The following HDAC9 variants were observed in gnomAD, a reference collection of about 807,000 sequenced individuals.
The protein encoded by HDAC9 is histone deacetylase 9.
HDAC9 carries 41 observed loss-of-function variants against 139.4 expected under a neutral mutation model. That is an observed-to-expected ratio of 0.29 (90% CI 0.23 to 0.38). HDAC9 has a LOEUF of 0.38. HDAC9 is among the 10% of genes least tolerant of loss of function. The probability of loss-of-function intolerance (pLI) is 1.00; values close to 1 mark genes in which losing one functional copy is unlikely to be tolerated. For missense variants in HDAC9, 1,147 were observed against 1,297.0 expected, an observed-to-expected ratio of 0.88 and a Z score of 1.78; for synonymous variants, 517 against 476.2, an observed-to-expected ratio of 1.09 and a Z score of -1.12.
intron 2 of HDAC9, among the ~76,000 whole-genome samples, chr7:18,280,238 G>A (rs1797014418): frequency 6.6e-6 from 1 of 152,088 alleles, no homozygotes; most frequent in African/African-American, 2.4e-5. Flanking sequence ...GATTGCTTGA[G>A]CTTAGGAGTT....
At chr7:18,290,999 G>A (rs958511552) in intron 1 of HDAC9, among the ~76,000 whole-genome samples, 4 of 152,132 alleles carry the variant, frequency 2.6e-5, no homozygotes, top group South Asian at 2.1e-4. Flanking sequence ...AGAGTGAATA[G>A]TATAGAGATT....
chr7:18,224,545 C>T (rs1366866291), intron 2 of HDAC9, among the ~76,000 whole-genome samples: 6 of 152,080 alleles, frequency 3.9e-5, no homozygotes, highest in Admixed American at 2.0e-4. Flanking sequence ...TGCCACCCAG[C>T]GTGGGTGCTT....
intron 2 of HDAC9, among the ~76,000 whole-genome samples, chr7:18,249,493 A>T (rs1236281203): frequency 8.1e-6 from 1 of 123,644 alleles, no homozygotes; most frequent in Non-Finnish European, 1.7e-5. Flanking sequence ...ACAGAGCAAG[A>T]CTCTGTCTCA....
At chr7:18,176,328 T>C (rs929750449) in intron 2 of HDAC9, among the ~76,000 whole-genome samples, 2 of 152,222 alleles carry the variant, frequency 1.3e-5, no homozygotes, top group Non-Finnish European at 2.9e-5. Context: ...CAGACTGTTA[T>C]CTTGAACCTC....
At chr7:18,735,279 C>A (rs553604084) in intron 13 of HDAC9, among the ~76,000 whole-genome samples, 10 of 152,260 alleles carry the variant, frequency 6.6e-5, no homozygotes, top group East Asian at 5.8e-4. Flanking sequence ...GTTGGCATTG[C>A]TTTTGGTGTT....
At chr7:18,983,698 A>C (rs1785108605) in intron 25 of HDAC9, among the ~76,000 whole-genome samples, 1 of 152,170 alleles carries the variant, frequency 6.6e-6, no homozygotes, top group African/African-American at 2.4e-5. Context: ...ACCATTTTTC[A>C]TTCCCACTAG....
At chr7:18,692,563 G>T (rs1360975979) in intron 12 of HDAC9, among the ~76,000 whole-genome samples, 3 of 152,210 alleles carry the variant, frequency 2.0e-5, no homozygotes, top group South Asian at 4.1e-4. Flanking sequence ...TTGAGAAAAA[G>T]AAGATTTGGA....
intron 12 of HDAC9, among the ~76,000 whole-genome samples, chr7:18,710,404 C>T (rs1784257364): frequency 6.6e-6 from 1 of 152,134 alleles, no homozygotes; most frequent in Non-Finnish European, 1.5e-5. Context: ...AATGCAAGCT[C>T]CTAATTTTAC....
intron 22 of HDAC9, among the ~76,000 whole-genome samples, chr7:18,918,309 G>A (rs900899391): frequency 6.6e-6 from 1 of 151,686 alleles, no homozygotes. Context: ...GGTGGAAGGA[G>A]GTAGAGGAGC....
chr7:18,999,801 T>A lies in HDAC9; in HGVS notation c.*3739T>A, dbSNP rs1382433777. 3.3e-5 allele frequency: 5 copies of A among 152,188 alleles called. No homozygotes were observed. Among genetic ancestry groups the A allele is most frequent in the African/African-American group, 4.8e-5 (2 of 41,444 alleles). The allele number at this position is 152,188 out of a possible 1,614,324, so 9.4% of individuals were successfully genotyped here. ...GAATTAATTTAAATATTTCTTACTA[T>A]TTCTCTGTCGAATGTTTACTCTCAT... is the stretch of plus-strand genomic sequence containing the variant. On this transcript the variant is annotated 3_prime_UTR_variant, in exon 26 of 26. Transcript: ENST00000686413.
At chr7:18,771,476 T>G (rs912472116) in intron 16 of HDAC9, among the ~76,000 whole-genome samples, 18 of 152,232 alleles carry the variant, frequency 1.2e-4, no homozygotes, top group African/African-American at 4.1e-4. Flanking sequence ...GTCTTAAATT[T>G]TCTTTTATCT....
chr7:18,176,600 T>C (rs1788922907), intron 2 of HDAC9, among the ~76,000 whole-genome samples: 1 of 152,188 alleles, frequency 6.6e-6, no homozygotes, highest in Non-Finnish European at 1.5e-5. Flanking sequence ...TTTTTTAAAC[T>C]CTTAGAAAAT....
At chr7:18,750,522 A>G (rs546305327) in intron 14 of HDAC9, among the ~76,000 whole-genome samples, 109 of 152,270 alleles carry the variant, frequency 7.2e-4, no homozygotes, top group African/African-American at 2.4e-3. Context: ...GAAACCCCAA[A>G]GTGAAGGAAA....
At chr7:18,305,448 T>G (rs1182935352) in intron 1 of HDAC9, among the ~76,000 whole-genome samples, 1 of 152,228 alleles carries the variant, frequency 6.6e-6, no homozygotes, top group South Asian at 2.1e-4. Context: ...AATGAAAACA[T>G]GTTCTGGAAT....
At chr7:18,394,728 A>T (rs1001710273) in intron 1 of HDAC9, among the ~76,000 whole-genome samples, 1 of 152,082 alleles carries the variant, frequency 6.6e-6, no homozygotes, top group African/African-American at 2.4e-5. Context: ...TAAGAACTGT[A>T]CTCTGGAGAT....
intron 13 of HDAC9, among the ~76,000 whole-genome samples, chr7:18,732,366 C>T (rs183447835): frequency 9.2e-5 from 14 of 151,940 alleles, no homozygotes; most frequent in Non-Finnish European, 1.6e-4. Flanking sequence ...ACTCTATAAG[C>T]TTCTCTTTAA....
At chr7:18,828,091 TTG>T (rs1420488917) in intron 17 of HDAC9, among the ~76,000 whole-genome samples, 1 of 152,172 alleles carries the variant, frequency 6.6e-6, no homozygotes, top group Non-Finnish European at 1.5e-5. Flanking sequence ...AATTAACTCA[TTG>T]TGTGTTAATG....
chr7:18,693,507 A>G (rs1305071961), intron 12 of HDAC9, among the ~76,000 whole-genome samples: 1 of 152,176 alleles, frequency 6.6e-6, no homozygotes. Context: ...TTTTAACGAA[A>G]AAAATTTTCA....
chr7:18,739,565 C>T (rs1018046453), intron 13 of HDAC9, among the ~76,000 whole-genome samples: 6 of 152,170 alleles, frequency 3.9e-5, no homozygotes, highest in African/African-American at 1.4e-4. Flanking sequence ...CCACTCCAGA[C>T]CCTGTTTGCC....
Sources: allele counts gnomAD v4.1 joint callset (sites outside exome capture counted in the v4.1 genomes callset), GRCh38; gene constraint gnomAD v4.1.1; transcripts MANE v1.5; gene names NCBI Gene and HGNC (gene_info 2026-07-23, HGNC 2026-07-21).